The following PDE7B variants were observed in gnomAD, a reference collection of about 807,000 sequenced individuals.
PDE7B encodes the protein 3',5'-cyclic-AMP phosphodiesterase 7B.
Under a neutral mutation model 56.2 loss-of-function variants are expected in PDE7B, and 29 were observed. The observed-to-expected ratio is 0.52, with a 90% CI of 0.38 to 0.70. The LOEUF (loss-of-function observed/expected upper bound fraction) is 0.70, where lower values mean the gene tolerates loss of function less well. Ranked by LOEUF, PDE7B falls within the 30% of genes least tolerant of loss-of-function variation. The pLI, the probability that PDE7B is intolerant of heterozygous loss-of-function variation, is 0.00. For missense variants in PDE7B, 490 were observed against 565.0 expected (o/e 0.87, Z 1.35); for synonymous variants, 197 against 196.9 (o/e 1.00, Z 0.00).
chr6:135,912,521 A>G (rs9389343), intron 1 of PDE7B, among the ~76,000 whole-genome samples: 25,934 of 152,056 alleles, frequency 0.17, 2,569 homozygotes, highest in East Asian at 0.42. Context: ...CAAATCCTCC[A>G]TGGATACCAA....
intron 2 of PDE7B, among the ~76,000 whole-genome samples, chr6:135,970,252 G>A (rs1188289535): frequency 6.6e-6 from 1 of 152,126 alleles, no homozygotes; most frequent in African/African-American, 2.4e-5. Context: ...AGAAAAGCAG[G>A]ATAAGGGGAC....
chr6:136,151,607 A>G (rs1583910779), intron 6 of PDE7B, among the ~76,000 whole-genome samples: 1 of 152,306 alleles, frequency 6.6e-6, no homozygotes, highest in Middle Eastern at 3.4e-3. Context: ...CATACTTTTT[A>G]TGTTCTTTGT....
Position 136,154,133 on chromosome 6 carries a change from C to G in PDE7B, c.537C>G (p.Ala179=). 6.2e-7 allele frequency: 1 copy of G among 1,613,832 alleles called. No individual in the cohort carries two copies. The highest frequency in any genetic ancestry group is 8.5e-7 in the Non-Finnish European group (1 of 1,179,886). The change falls in exon 7 of 13, where the codon GCC becomes GCG. Residue 179 remains alanine (A), a synonymous_variant. Coordinates refer to ENST00000308191, the MANE Select transcript of PDE7B (RefSeq NM_018945.4). The part of the protein sequence containing the change: ...QNPYHNAVHA[A]DVTQAMHCYL... ...CGTATCACAATGCTGTTCACGCAGC[C>G]GACGTCACCCAGGCCATGCACTGCT...
chr6:135,872,612 C>G (rs971277747), intron 1 of PDE7B, among the ~76,000 whole-genome samples: 1 of 152,102 alleles, frequency 6.6e-6, no homozygotes, highest in Non-Finnish European at 1.5e-5. Context: ...CAGAAGAAAA[C>G]CCAACATTGT....
At chr6:135,881,620 C>A (rs751701577) in intron 1 of PDE7B, among the ~76,000 whole-genome samples, 25 of 152,270 alleles carry the variant, frequency 1.6e-4, no homozygotes, top group Non-Finnish European at 2.9e-4. Context: ...TGTAGAGCAG[C>A]TGTAAGCCTG....
intron 3 of PDE7B, among the ~76,000 whole-genome samples, chr6:136,135,114 G>C (rs535136146): frequency 6.6e-6 from 1 of 152,204 alleles, no homozygotes; most frequent in South Asian, 2.1e-4. Context: ...GAAGTCGTGA[G>C]TATTTTTTGT....
At position 136,139,798 on chromosome 6, in the gene PDE7B, C is replaced by T. The variant is rs890543834; in HGVS notation, c.167-7553C>T. On this transcript the variant is annotated intron_variant, in intron 3 of 12. Transcript: ENST00000308191. The stretch of plus-strand genomic sequence containing the variant: ...GAGAAGTGTCTGTTCATATCCTTCG[C>T]CCACTTGTTGATGGGGTTGTTTGTT... Among the ~76,000 whole-genome samples the T allele has an allele frequency of 1.2e-4, 18 of 152,244 alleles. 1 individual carries two copies. The highest frequency in any genetic ancestry group is 3.9e-4 in the African/African-American group (16 of 41,536).
intron 11 of PDE7B, among the ~76,000 whole-genome samples, chr6:136,184,017 A>G (rs12206151): frequency 1.3e-5 from 2 of 152,308 alleles, no homozygotes; most frequent in African/African-American, 2.4e-5. Context: ...TCTTGTAACT[A>G]CAGATTGATA....
At chr6:136,086,173 C>A (rs948963658) in intron 2 of PDE7B, among the ~76,000 whole-genome samples, 8 of 152,072 alleles carry the variant, frequency 5.3e-5, no homozygotes, top group Admixed American at 5.2e-4. Flanking sequence ...AGTTGGATTG[C>A]GTGTCTGGGT....
intron 2 of PDE7B, among the ~76,000 whole-genome samples, chr6:136,030,371 C>T (rs767665572): frequency 2.0e-4 from 30 of 152,198 alleles, no homozygotes; most frequent in African/African-American, 6.0e-4. Flanking sequence ...GTGCCTAGGG[C>T]GCATGAATTC....
intron 3 of PDE7B, among the ~76,000 whole-genome samples, chr6:136,113,467 T>C (rs572438901): frequency 2.0e-5 from 3 of 152,326 alleles, no homozygotes; most frequent in Admixed American, 2.0e-4. Flanking sequence ...TCTTGAAGCT[T>C]CTCTGGATAA....
At chr6:136,152,180 T>C (rs1485016779) in intron 6 of PDE7B, among the ~76,000 whole-genome samples, 5 of 152,212 alleles carry the variant, frequency 3.3e-5, no homozygotes, top group African/African-American at 9.6e-5. Flanking sequence ...AGTGTAGTTA[T>C]GTTTATAATA....
intron 5 of PDE7B, 121 bp from the exon 6 acceptor site, chr6:136,151,039 C>T: frequency 1.8e-6 from 1 of 564,526 alleles, no homozygotes; most frequent in Non-Finnish European, 3.1e-6. Context: ...AATTTCACTT[C>T]TAAAGGGGAA....
chr6:135,934,168 T>G (rs538351131), intron 1 of PDE7B, among the ~76,000 whole-genome samples: 1 of 152,260 alleles, frequency 6.6e-6, no homozygotes, highest in East Asian at 1.9e-4. Flanking sequence ...AGCAATAAAG[T>G]AATTTGAATG....
chr6:136,171,133 T>C (rs115521850), intron 8 of PDE7B, among the ~76,000 whole-genome samples: 209 of 152,286 alleles, frequency 1.4e-3, no homozygotes, highest in African/African-American at 4.8e-3. Context: ...CAAAACACAA[T>C]TGAGTATAAG....
chr6:136,114,514 T>C (rs933763441), intron 3 of PDE7B, among the ~76,000 whole-genome samples: 5 of 152,190 alleles, frequency 3.3e-5, no homozygotes, highest in Non-Finnish European at 7.3e-5. Context: ...ATCTTAAAGA[T>C]GGAGGGACAG....
intron 1 of PDE7B, among the ~76,000 whole-genome samples, chr6:135,903,266 T>C (rs1776037870): frequency 6.6e-6 from 1 of 152,192 alleles, no homozygotes; most frequent in Non-Finnish European, 1.5e-5. Flanking sequence ...GCAAAGGTTG[T>C]ATCAGTGGCA....
At chr6:135,894,542 G>T (rs905257351) in intron 1 of PDE7B, among the ~76,000 whole-genome samples, 2 of 152,072 alleles carry the variant, frequency 1.3e-5, no homozygotes, top group African/African-American at 4.8e-5. Context: ...TCTGTTCTAA[G>T]ACAGAAACAT....
chr6:136,045,196 C>T (rs754756067), intron 2 of PDE7B, among the ~76,000 whole-genome samples: 1 of 151,988 alleles, frequency 6.6e-6, no homozygotes, highest in Non-Finnish European at 1.5e-5. Context: ...GCAGAGCTCA[C>T]GGAATTTGTG....
Sources: gnomAD v4.1 joint callset for allele counts (sites outside exome capture counted in the v4.1 genomes callset) on GRCh38, gnomAD v4.1.1 for gene constraint, MANE v1.5 for transcripts, NCBI Gene and HGNC (gene_info 2026-07-23, HGNC 2026-07-21) for gene names.